CEP112: variants seen among roughly 807,000 people sequenced by gnomAD.
CEP112 encodes centrosomal protein 112.
Under a neutral mutation model 153.0 loss-of-function variants are expected in CEP112, and 127 were observed. The ratio of observed to expected loss-of-function variants is 0.83; its 90% confidence interval spans 0.72 to 0.96. CEP112 has a LOEUF of 0.96. Ranked by LOEUF, CEP112 falls within the 40% of genes least tolerant of loss-of-function variation. CEP112 has a pLI of 0.00. For missense variants in CEP112, 1,089 were observed against 1,101.2 expected, an observed-to-expected ratio of 0.99 and a Z score of 0.16; for synonymous variants, 358 against 374.4, an observed-to-expected ratio of 0.96 and a Z score of 0.51.
intron 25 of CEP112, among the ~76,000 whole-genome samples, chr17:65,639,317 C>T (rs2044963738): frequency 6.6e-6 from 1 of 152,006 alleles, no homozygotes; most frequent in Admixed American, 6.6e-5. Context: ...CTGTTATGTG[C>T]CAGGCAAAGT....
At chr17:65,705,496 C>A (rs1371910439) in intron 23 of CEP112, among the ~76,000 whole-genome samples, 1 of 152,156 alleles carries the variant, frequency 6.6e-6, no homozygotes, top group African/African-American at 2.4e-5. Context: ...ACGGCACTTA[C>A]ATTATCATAG....
chr17:66,009,686 G>A (rs1598094933), intron 16 of CEP112, among the ~76,000 whole-genome samples: 1 of 152,142 alleles, frequency 6.6e-6, no homozygotes, highest in African/African-American at 2.4e-5. Context: ...TATATGGCTA[G>A]CCAGTTATCC....
Position 65,644,213 on chromosome 17 carries a change from A to G in CEP112, c.2698-3148T>C. ...TTGCGTTGGGGACCAGAAAGTGGCCATAGCTGGGGGAACTGGGGCATGAAC... is the reference window on the plus strand; with the variant it reads ...TTGCGTTGGGGACCAGAAAGTGGCCGTAGCTGGGGGAACTGGGGCATGAAC... On this transcript the variant is annotated intron_variant, in intron 24 of 26. Coordinates refer to ENST00000535342, the MANE Select transcript of CEP112 (RefSeq NM_001199165.4). 4.4e-6 allele frequency: 3 copies of G among 679,928 alleles called. No individual in the cohort carries two copies. The South Asian group carries it at 5.1e-5, about 11-fold the overall frequency. 42.1% of individuals were successfully genotyped at this position (679,928 alleles called of 1,614,324 possible).
chr17:65,864,270 A>G (rs1166810879), intron 20 of CEP112, among the ~76,000 whole-genome samples: 2 of 152,186 alleles, frequency 1.3e-5, no homozygotes, highest in South Asian at 4.1e-4. Flanking sequence ...TCTTCGAGTC[A>G]TATTTTAAGA....
intron 23 of CEP112, among the ~76,000 whole-genome samples, chr17:65,711,206 G>A (rs1381773160): frequency 6.6e-6 from 1 of 152,172 alleles, no homozygotes; most frequent in Non-Finnish European, 1.5e-5. Flanking sequence ...TCTAGTATTA[G>A]AGAGGTCATT....
At chr17:65,657,232 C>T (rs541831342) in intron 24 of CEP112, among the ~76,000 whole-genome samples, 12 of 152,320 alleles carry the variant, frequency 7.9e-5, no homozygotes, top group Admixed American at 7.8e-4. Context: ...ATGCCAGCTC[C>T]TTTCTTGCTA....
chr17:65,750,208 C>T (rs1342667614), intron 22 of CEP112, among the ~76,000 whole-genome samples: 1 of 152,096 alleles, frequency 6.6e-6, no homozygotes, highest in Non-Finnish European at 1.5e-5. Context: ...ACAGTTGAGC[C>T]GCAGACTTAA....
At chr17:66,138,627 T>C (rs564079003) in intron 4 of CEP112, among the ~76,000 whole-genome samples, 1 of 152,158 alleles carries the variant, frequency 6.6e-6, no homozygotes, top group Non-Finnish European at 1.5e-5. Flanking sequence ...CAGCTTAAAA[T>C]AGGTTGTTAC....
At chr17:65,869,848 G>A (rs2058597582) in intron 20 of CEP112, among the ~76,000 whole-genome samples, 1 of 151,912 alleles carries the variant, frequency 6.6e-6, no homozygotes, top group African/African-American at 2.4e-5. Context: ...GTCTCCCAAA[G>A]TGCTGGGATT....
In CEP112 at chr17:66,011,970, G is replaced by C. The variant is rs1003442232; in HGVS notation, c.1657-6201C>G. Among the ~76,000 whole-genome samples, 14 of 152,158 alleles carry C rather than the reference G, an allele frequency of 9.2e-5. No homozygotes were observed. The East Asian group carries it at 2.7e-3, about 29-fold the overall frequency. Reference sequence around the variant, plus strand: ...GCTGAATTGAGCAGTTTACCATTATGCAATGTCCTTCTTTGTCTTTTTTGA... The same window carrying C: ...GCTGAATTGAGCAGTTTACCATTATCCAATGTCCTTCTTTGTCTTTTTTGA... On this transcript the variant is annotated intron_variant, in intron 16 of 26. Transcript: ENST00000535342.
chr17:66,083,115 G>C (rs1568470751), intron 8 of CEP112, among the ~76,000 whole-genome samples: 1 of 152,136 alleles, frequency 6.6e-6, no homozygotes, highest in Non-Finnish European at 1.5e-5. Flanking sequence ...ATCTTGAACT[G>C]TAGCTACCAT....
At chr17:65,673,987 C>T (rs1303836789) in intron 24 of CEP112, among the ~76,000 whole-genome samples, 2 of 152,204 alleles carry the variant, frequency 1.3e-5, no homozygotes, top group African/African-American at 4.8e-5. Flanking sequence ...AGCCATTCTC[C>T]TGCCTCAGTC....
intron 18 of CEP112, among the ~76,000 whole-genome samples, chr17:65,956,563 A>T (rs1185513035): frequency 6.6e-6 from 1 of 151,978 alleles, no homozygotes; most frequent in African/African-American, 2.4e-5. Flanking sequence ...CATAAGTGGG[A>T]GCTAAGGTAT....
chr17:66,150,761 G>T (rs200148001), intron 4 of CEP112, among the ~76,000 whole-genome samples: 1 of 152,284 alleles, frequency 6.6e-6, no homozygotes, highest in East Asian at 1.9e-4. Context: ...TGGTCAAGTT[G>T]CTCCATCAAT....
At chr17:65,970,017 G>A (rs920186269) in intron 17 of CEP112, among the ~76,000 whole-genome samples, 15 of 152,084 alleles carry the variant, frequency 9.9e-5, no homozygotes, top group South Asian at 6.2e-4. Context: ...TGTGTATTGC[G>A]AACATGCACG....
At chr17:65,977,786 A>G (rs1364551045) in intron 17 of CEP112, among the ~76,000 whole-genome samples, 1 of 152,146 alleles carries the variant, frequency 6.6e-6, no homozygotes, top group Non-Finnish European at 1.5e-5. Context: ...AAAAATAAAA[A>G]TAAAAAGGCC....
At chr17:66,142,203 A>C (rs1022512542) in intron 4 of CEP112, among the ~76,000 whole-genome samples, 2 of 152,206 alleles carry the variant, frequency 1.3e-5, no homozygotes, top group Admixed American at 1.3e-4. Context: ...CCATCTTAAA[A>C]TTGGGTTGTT....
chr17:65,745,681 C>T (rs574389340), intron 22 of CEP112, among the ~76,000 whole-genome samples: 41 of 151,946 alleles, frequency 2.7e-4, no homozygotes, highest in Admixed American at 2.0e-3. Flanking sequence ...AGAGAGGGTG[C>T]GTGTGTGTGT....
intron 3 of CEP112, among the ~76,000 whole-genome samples, chr17:66,176,063 G>T (rs2072458828): frequency 6.6e-6 from 1 of 152,184 alleles, no homozygotes; most frequent in African/African-American, 2.4e-5. Context: ...TTGTGCCATG[G>T]AAAACAGGAA....
Sources: gnomAD v4.1 joint callset for allele counts (sites outside exome capture counted in the v4.1 genomes callset) on GRCh38, gnomAD v4.1.1 for gene constraint, MANE v1.5 for transcripts, NCBI Gene and HGNC (gene_info 2026-07-23, HGNC 2026-07-21) for gene names.